F5: variants seen among roughly 807,000 people sequenced by gnomAD.
F5 encodes the protein activated protein c cofactor.
In F5, 138 loss-of-function variants were observed where a neutral mutation model predicts 216.4. The observed-to-expected ratio is 0.64, with a 90% CI of 0.56 to 0.73. The LOEUF (loss-of-function observed/expected upper bound fraction) is 0.73. Ranked by LOEUF, F5 falls within the 30% of genes least tolerant of loss-of-function variation. The probability of loss-of-function intolerance (pLI) is 0.00; values close to 1 mark genes in which losing one functional copy is unlikely to be tolerated. For missense variants in F5, 2,403 were observed against 2,674.0 expected (o/e 0.90, Z 2.24); for synonymous variants, 916 against 930.7 (o/e 0.98, Z 0.29).
intron 13 of F5, among the ~76,000 whole-genome samples, chr1:169,537,925 T>C (rs1183728788): frequency 1.3e-5 from 2 of 152,090 alleles, no homozygotes; most frequent in Non-Finnish European, 2.9e-5. Context: ...GGGAGGTTCC[T>C]TTAAAAATTA....
intron 23 of F5, 53 bp downstream of exon 23, chr1:169,518,359 C>T (rs991184224): frequency 1.9e-6 from 3 of 1,608,160 alleles, no homozygotes; most frequent in Admixed American, 3.3e-5. Flanking sequence ...TAGTGAGGGC[C>T]TTTGCTTTCT....
chr1:169,521,467 A>T (rs570747534), intron 21 of F5, among the ~76,000 whole-genome samples: 1 of 152,304 alleles, frequency 6.6e-6, no homozygotes, highest in South Asian at 2.1e-4. Flanking sequence ...TTGGCAGTAA[A>T]CAGGCTGTGC....
chr1:169,532,282 T>C (rs1019996825), intron 14 of F5, among the ~76,000 whole-genome samples: 3 of 152,152 alleles, frequency 2.0e-5, no homozygotes, highest in Non-Finnish European at 4.4e-5. Flanking sequence ...CCGTGAGAAC[T>C]GGAACAAGAC....
At chr1:169,521,501 A>G (rs1053157523) in intron 21 of F5, among the ~76,000 whole-genome samples, 3 of 152,158 alleles carry the variant, frequency 2.0e-5, no homozygotes, top group African/African-American at 4.8e-5. Flanking sequence ...CTGACAGAGC[A>G]ATGTCAGAAA....
Position 169,555,367 on chromosome 1 carries a change from C to T in F5, c.953-20G>A, listed in dbSNP as rs780277600. ...TCCCAGCTGAGTTAGGACAGAAAGACAATGAAATAACTCAAGAGAAGAAAT... is the reference window on the plus strand; with the variant it reads ...TCCCAGCTGAGTTAGGACAGAAAGATAATGAAATAACTCAAGAGAAGAAAT... On this transcript the variant is annotated intron_variant, in intron 6 of 24. Transcript: ENST00000367797. 41 of 1,613,372 alleles carry T rather than the reference C, an allele frequency of 2.5e-5. No homozygotes were observed. The African/African-American group carries it at 4.5e-4, about 18-fold the overall frequency.
At chr1:169,584,885 C>T (rs1272640456) in intron 1 of F5, among the ~76,000 whole-genome samples, 1 of 152,174 alleles carries the variant, frequency 6.6e-6, no homozygotes, top group Non-Finnish European at 1.5e-5. Context: ...ACAGAATGAC[C>T]AGTCATGGTT....
At chr1:169,585,840 C>T (rs1283788247) in intron 1 of F5, among the ~76,000 whole-genome samples, 3 of 152,130 alleles carry the variant, frequency 2.0e-5, no homozygotes, top group Admixed American at 6.5e-5. Flanking sequence ...CTAGGAGTCT[C>T]ATAAAAATAC....
intron 3 of F5, among the ~76,000 whole-genome samples, chr1:169,567,195 T>C (rs1660621143): frequency 6.6e-6 from 1 of 151,764 alleles, no homozygotes; most frequent in Non-Finnish European, 1.5e-5. Context: ...ATAAGGGCAC[T>C]AATCTCATCA....
intron 3 of F5, among the ~76,000 whole-genome samples, chr1:169,566,865 T>C (rs184649937): frequency 5.0e-4 from 76 of 152,196 alleles, no homozygotes; most frequent in African/African-American, 1.7e-3. Flanking sequence ...CCCAGTCATG[T>C]TGCAATTAAT....
chr1:169,544,569 T>C (rs747709493), intron 11 of F5, 61 bp from the exon 12 acceptor site: 19 of 1,350,238 alleles, frequency 1.4e-5, no homozygotes, highest in Non-Finnish European at 1.3e-5. Flanking sequence ...ATGTGTCTAA[T>C]TATACCTAAG....
chr1:169,556,513 T>C, intron 6 of F5, 133 bp downstream of exon 6: 1 of 753,090 alleles, frequency 1.3e-6, no homozygotes, highest in South Asian at 1.5e-5. Context: ...ATATCTAAGT[T>C]TGGTTGTTAG....
At position 169,584,151 on chromosome 1, in the gene F5, A is replaced by G. The variant is rs9332683; in HGVS notation, c.159-1629T>C. On this transcript the variant is annotated intron_variant, in intron 1 of 24. Transcript: ENST00000367797. ...GATGGTGTAAAATCTTTACTAAAAA[A>G]TATCAGTCTCTTACGTGGAGTAATT... is the stretch of plus-strand genomic sequence containing the variant. Among the ~76,000 whole-genome samples the G allele has an allele frequency of 6.1e-3, 925 of 152,346 alleles. 3 individuals carry two copies. Among genetic ancestry groups the G allele is most frequent in the Non-Finnish European group, 0.01 (703 of 68,030 alleles).
At chr1:169,544,237 C>T in intron 12 of F5, 59 bp downstream of exon 12, 1 of 1,480,682 alleles carries the variant, frequency 6.8e-7, no homozygotes, top group Non-Finnish European at 9.4e-7. Flanking sequence ...TGCAGCAGAC[C>T]TTTATAGACC....
intron 17 of F5, among the ~76,000 whole-genome samples, chr1:169,527,388 T>A (rs1659483206): frequency 6.6e-6 from 1 of 152,234 alleles, no homozygotes; most frequent in African/African-American, 2.4e-5. Context: ...ATTTTGCACA[T>A]GAAAAGTTCT....
At position 169,552,742 on chromosome 1, in the gene F5, T is replaced by TA. The variant is rs766876628; in HGVS notation, c.1119-9_1119-8insT. On this transcript the variant is annotated splice_polypyrimidine_tract_variant and intron_variant, in intron 7 of 24. Transcript: ENST00000367797. ...TGCTGAGACCTGTATTTTCTTAAAG[T>TA]GAAGTAAAAAAAAATTAAACCACTT... is the stretch of plus-strand genomic sequence containing the variant. 5.6e-6 allele frequency: 9 copies of TA among 1,604,058 alleles called. No homozygotes were observed. The African/African-American group carries it at 1.2e-4, about 21-fold the overall frequency.
At chr1:169,545,022 C>T (rs1250943478) in intron 11 of F5, among the ~76,000 whole-genome samples, 1 of 152,150 alleles carries the variant, frequency 6.6e-6, no homozygotes, top group Non-Finnish European at 1.5e-5. Context: ...TTAAAAGGGA[C>T]ACTGCTGTAG....
At position 169,556,796 on chromosome 1, in the gene F5, A is replaced by T; in HGVS notation, c.802T>A (p.Ser268Thr). 1 of 1,614,120 alleles carries T rather than the reference A, an allele frequency of 6.2e-7. No individual in the cohort carries two copies. Among genetic ancestry groups the T allele is most frequent in the Non-Finnish European group, 8.5e-7 (1 of 1,180,004 alleles). Reference sequence around the variant, plus strand: ...AGGACCTGGCCGTTGAAATGAATGGAGAATAATTCTGGCCCCGAGCTCATT... The same window carrying T: ...AGGACCTGGCCGTTGAAATGAATGGTGAATAATTCTGGCCCCGAGCTCATT... ...LGMSSGPELF[S>T]IHFNGQVLEQ... Residue 268 changes from serine (S) to threonine (T), a missense_variant, in exon 6 of 25, where the codon TCC (serine) becomes ACC (threonine). By Grantham distance (58) the Ser-to-Thr change is moderately conservative (BLOSUM62 1). Transcript: ENST00000367797.
In F5 at chr1:169,531,352, C is replaced by A. The variant is rs6427197; in HGVS notation, c.4972-330G>T. On this transcript the variant is annotated intron_variant, in intron 14 of 24. Transcript: ENST00000367797. ...CTTGTTCATAAGAAGCTTTTAAGCT[C>A]CTGCTGAAACAGACATGCACATGGG... Among the ~76,000 whole-genome samples the A allele has an allele frequency of 0.93, 140,922 of 152,260 alleles. 65,263 individuals carry two copies. The highest frequency in any genetic ancestry group is 1 in the East Asian group (5,174 of 5,176).
chr1:169,572,185 T>A, intron 3 of F5, 36 bp downstream of exon 3: 1 of 1,600,500 alleles, frequency 6.2e-7, no homozygotes, highest in South Asian at 1.1e-5. Flanking sequence ...GACTTAGACA[T>A]TTTCCCTTTT....
Sources: gnomAD v4.1 joint callset for allele counts (sites outside exome capture counted in the v4.1 genomes callset) on GRCh38, gnomAD v4.1.1 for gene constraint, MANE v1.5 for transcripts, NCBI Gene and HGNC (gene_info 2026-07-23, HGNC 2026-07-21) for gene names.